CELF5: variants seen among roughly 807,000 people sequenced by gnomAD.
CELF5 encodes the protein CUG-BP and ETR-3 like factor 5.
In CELF5, 6 loss-of-function variants were observed where a neutral mutation model predicts 54.9. The ratio of observed to expected loss-of-function variants is 0.11; its 90% CI spans 0.06 to 0.22. The LOEUF (loss-of-function observed/expected upper bound fraction) is 0.22. Ranked by LOEUF, CELF5 falls within the 10% of genes least tolerant of loss-of-function variation. The pLI, the probability that CELF5 is intolerant of heterozygous loss-of-function variation, is 1.00. For missense variants in CELF5, 401 were observed against 678.6 expected, an observed-to-expected ratio of 0.59 and a Z score of 4.54; for synonymous variants, 271 against 290.9, an observed-to-expected ratio of 0.93 and a Z score of 0.70.
intron 2 of CELF5, chr19:3,270,547 C>G (rs1037409593): frequency 1.4e-5 from 2 of 147,792 alleles, no homozygotes; most frequent in Admixed American, 6.7e-5. Flanking sequence ...GCGTCGGGCG[C>G]AGGGCGCGCG....
At position 3,278,840 on chromosome 19, in the gene CELF5, A is replaced by T. The variant is rs2080101253; in HGVS notation, c.603+730A>T. Among the ~76,000 whole-genome samples the T allele has an allele frequency of 6.6e-6, 1 of 151,780 alleles. No individual in the cohort carries two copies. The highest frequency in any genetic ancestry group is 6.6e-5 in the Admixed American group (1 of 15,248). ...GTACATGTAAGGGTATCCTAAGGGG[A>T]TGACACCTGGGTTGGATTTGCTGAG... On this transcript the variant is annotated intron_variant, in intron 5 of 12. Transcript: ENST00000292672. This position sits in a 1 kb window ranked among gnomAD's most constrained non-coding sequence, Gnocchi z 4.5.
intron 9 of CELF5, among the ~76,000 whole-genome samples, 182 bp from the exon 10 acceptor site, chr19:3,285,760 A>C (rs1362479467): frequency 1.0e-5 from 1 of 96,824 alleles, no homozygotes; most frequent in African/African-American, 4.0e-5. Context: ...TTCGTCTGTG[A>C]TCTTGGCCCC....
chr19:3,252,896 TAG>T (rs2079670545), intron 2 of CELF5, among the ~76,000 whole-genome samples: 2 of 151,778 alleles, frequency 1.3e-5, no homozygotes, highest in Non-Finnish European at 2.9e-5. Flanking sequence ...TAGCAATCTA[TAG>T]AGAAGGTGCT....
Position 3,281,990 on chromosome 19 carries a change from C to A in CELF5, c.751-136C>A. ...GGCTGAGCCTTGATCCCAGTCTGAG[C>A]TCCAATTCTGATCTCAGCCTGAGCC... On this transcript the variant is annotated intron_variant, in intron 6 of 12. Coordinates refer to ENST00000292672, the MANE Select transcript of CELF5 (RefSeq NM_021938.4). This position sits in a 1 kb window ranked among gnomAD's most constrained non-coding sequence, Gnocchi z 6.5. The A allele has an allele frequency of 1.1e-6, 1 of 948,146 alleles. No individual in the cohort carries two copies. The highest frequency in any genetic ancestry group is 1.7e-6 in the Non-Finnish European group (1 of 604,656). The allele number at this position is 948,146 out of a possible 1,614,324, so 58.7% of individuals were successfully genotyped here.
intron 1 of CELF5, among the ~76,000 whole-genome samples, chr19:3,241,967 G>T (rs927017086): frequency 2.6e-5 from 4 of 152,126 alleles, no homozygotes; most frequent in African/African-American, 9.7e-5. Flanking sequence ...TAGAGATGGG[G>T]TTTCACCGTG....
chr19:3,290,421 G>A (rs747413135), intron 11 of CELF5, 47 bp downstream of exon 11: 2 of 1,605,170 alleles, frequency 1.2e-6, no homozygotes, highest in Admixed American at 1.7e-5. Flanking sequence ...TCCCTCGCCT[G>A]CCCCCTGACA....
chr19:3,226,440 T>TCACACACACACACACACACACACA lies in CELF5; in HGVS notation c.259+1455_259+1478dup, dbSNP rs71164666. 8.6e-4 allele frequency among the ~76,000 whole-genome samples: 102 copies of TCACACACACACACACACACACACA among 118,966 alleles called. 1 individual carries two copies. Among genetic ancestry groups the TCACACACACACACACACACACACA allele is most frequent in the Admixed American group, 1.7e-3 (20 of 12,014 alleles). The allele number at this position is 118,966 out of a possible 152,430, so 78.0% of individuals were successfully genotyped here. A position where few individuals can be genotyped will look rare whatever the true frequency, so the allele number is the denominator to read the frequency against. ...CCCCATCTCTTTTCAAAACCAACCA[T>TCACACACACACACACACACACACA]CACACACACACACACACACACACAC... On this transcript the variant is annotated intron_variant, in intron 1 of 12. Transcript: ENST00000292672.
Position 3,264,853 on chromosome 19 carries a change from A to G in CELF5, c.343-9019A>G, listed in dbSNP as rs537001573. 6.3e-4 allele frequency among the ~76,000 whole-genome samples: 96 copies of G among 152,094 alleles called. 2 individuals are homozygous for G. Among genetic ancestry groups the G allele is most frequent in the African/African-American group, 2.3e-3 (95 of 41,504 alleles). ...CTGAGCCTCCCAAGTAGCTGGGATT[A>G]TAGGCGTCTGCCACCACACCCAGCT... On this transcript the variant is annotated intron_variant, in intron 2 of 12. Transcript: ENST00000292672.
At chr19:3,231,447 C>CGGATGGATGGAT (rs111427441) in intron 1 of CELF5, among the ~76,000 whole-genome samples, 10 of 144,648 alleles carry the variant, frequency 6.9e-5, no homozygotes, top group African/African-American at 2.1e-4. Flanking sequence ...GATGGGTGAA[C>CGGATGGATGGAT]GGATGGATGG....
intron 2 of CELF5, among the ~76,000 whole-genome samples, chr19:3,252,519 C>G (rs73517177): frequency 1.3e-5 from 2 of 152,104 alleles, no homozygotes; most frequent in Non-Finnish European, 2.9e-5. Context: ...GCAGGGAGCT[C>G]ACCCTTCCCT....
intron 8 of CELF5, 196 bp from the exon 9 acceptor site, chr19:3,284,706 G>A (rs2080204696): frequency 5.1e-6 from 3 of 592,602 alleles, no homozygotes; most frequent in Admixed American, 5.7e-5. Context: ...TTCAGCTTCT[G>A]CCATTTGCTA....
intron 1 of CELF5, among the ~76,000 whole-genome samples, 177 bp downstream of exon 1, chr19:3,225,175 G>T (rs1156581510): frequency 1.5e-5 from 1 of 64,732 alleles, no homozygotes; most frequent in Non-Finnish European, 3.0e-5. Context: ...CCTCTCTGGG[G>T]GTGCAGCTGA....
chr19:3,252,038 G>T (rs889821946), intron 2 of CELF5, among the ~76,000 whole-genome samples: 1 of 151,732 alleles, frequency 6.6e-6, no homozygotes, highest in Non-Finnish European at 1.5e-5. Context: ...TGCTGTCTCT[G>T]ATGAGTCTCT....
chr19:3,281,052 C>T lies in CELF5; in HGVS notation c.604-147C>T. On this transcript the variant is annotated intron_variant, in intron 5 of 12. Coordinates refer to ENST00000292672, the MANE Select transcript of CELF5 (RefSeq NM_021938.4). This position sits in a 1 kb window ranked among gnomAD's most constrained non-coding sequence, Gnocchi z 6.5. ...CGCGGTCCTCGCTGTGGCCCTGGCTCCTGGGGTGGGGGCCCGTGGACATGG... is the reference window on the plus strand; with the variant it reads ...CGCGGTCCTCGCTGTGGCCCTGGCTTCTGGGGTGGGGGCCCGTGGACATGG... 1.1e-6 allele frequency: 1 copy of T among 945,672 alleles called. No individual in the cohort carries two copies. The highest frequency in any genetic ancestry group is 1.5e-5 in the South Asian group (1 of 65,798). The allele number at this position is 945,672 out of a possible 1,614,324, so 58.6% of individuals were successfully genotyped here.
rs2080095263 is a variant in CELF5, at chr19:3,278,575, T to G, written c.603+465T>G. 6.6e-6 allele frequency among the ~76,000 whole-genome samples: 1 copy of G among 151,788 alleles called. No individual in the cohort carries two copies. Among genetic ancestry groups the G allele is most frequent in the Non-Finnish European group, 1.5e-5 (1 of 67,982 alleles). ...ACTAGTGCGTGTGCGTGTATGAGAG[T>G]GTACATGTGTGTTTCTATGTGTGTG... On this transcript the variant is annotated intron_variant, in intron 5 of 12. Coordinates refer to ENST00000292672, the MANE Select transcript of CELF5 (RefSeq NM_021938.4). The surrounding 1 kb of genome is among the most constrained non-coding windows in gnomAD (Gnocchi z 4.5).
intron 2 of CELF5, among the ~76,000 whole-genome samples, chr19:3,269,207 C>T (rs1199707131): frequency 6.6e-6 from 1 of 152,172 alleles, no homozygotes; most frequent in Non-Finnish European, 1.5e-5. Context: ...CGGAGTATCA[C>T]TCTTATTGCC....
rs987494613 is a variant in CELF5 at position 3,228,476 on chromosome 19, C to G, written c.259+3478C>G. ...GGATGGTGGCTGCCTGGGTGCCCAC[C>G]CTGCCAGGGGAAGGTGCCCACGGTG... is the stretch of plus-strand genomic sequence containing the variant. On this transcript the variant is annotated intron_variant, in intron 1 of 12. Transcript: ENST00000292672. This position sits in a 1 kb window ranked among gnomAD's most constrained non-coding sequence, Gnocchi z 6.0. 2.0e-5 allele frequency among the ~76,000 whole-genome samples: 3 copies of G among 152,228 alleles called. No homozygotes were observed. Among genetic ancestry groups the G allele is most frequent in the East Asian group, 1.9e-4 (1 of 5,200 alleles).
Position 3,278,699 on chromosome 19 carries a change from GTT to G in CELF5, c.603+591_603+592del, listed in dbSNP as rs1491292864. On this transcript the variant is annotated intron_variant, in intron 5 of 12. Transcript: ENST00000292672. The surrounding 1 kb of genome is among the most constrained non-coding windows in gnomAD (Gnocchi z 4.5). The stretch of plus-strand genomic sequence containing the variant: ...CAGGTTTGTGTGTGTGTGTGTGTGT[GTT>G]TGTGTGTGTGCATGACTGTGAGTGT... Among the ~76,000 whole-genome samples the G allele has an allele frequency of 7.3e-5, 11 of 151,322 alleles. 2 individuals carry two copies. The highest frequency in any genetic ancestry group is 4.2e-4 in the South Asian group (2 of 4,730).
Position 3,268,735 on chromosome 19 carries a change from AGT to A in CELF5, c.343-5128_343-5127del, listed in dbSNP as rs2079917125. ...ACCGGAGCTACCCCAAGTGAGGGGC[AGT>A]GTGTGTGTTTAGTGGGGAGGGGTCG... On this transcript the variant is annotated intron_variant, in intron 2 of 12. Transcript: ENST00000292672. The surrounding 1 kb of genome is among the most constrained non-coding windows in gnomAD (Gnocchi z 4.4). Among the ~76,000 whole-genome samples the A allele has an allele frequency of 6.6e-6, 1 of 152,026 alleles. No individual in the cohort carries two copies. Among genetic ancestry groups the A allele is most frequent in the Admixed American group, 6.6e-5 (1 of 15,238 alleles).
Sources: gnomAD v4.1 joint callset for allele counts (sites outside exome capture counted in the v4.1 genomes callset) on GRCh38, gnomAD v4.1.1 for gene constraint, Gnocchi (gnomAD v3.1) non-coding constraint, MANE v1.5 for transcripts, NCBI Gene and HGNC (gene_info 2026-07-23, HGNC 2026-07-21) for gene names.